The following SV2B variants were observed in gnomAD, a reference collection of about 807,000 sequenced individuals.
SV2B encodes solute carrier family 22 member B2.
Under a neutral mutation model 73.9 loss-of-function variants are expected in SV2B, and 41 were observed. That is an observed-to-expected ratio of 0.56 (90% CI 0.43 to 0.72). SV2B has a LOEUF of 0.72. Among genes scored for constraint, SV2B ranks in the 30% least tolerant of loss-of-function variants. The probability of loss-of-function intolerance (pLI) is 0.00; values close to 1 mark genes in which losing one functional copy is unlikely to be tolerated. For synonymous variants in SV2B, 314 were observed against 314.2 expected (o/e 1.00, Z 0.01); for missense variants, 764 against 857.8 (o/e 0.89, Z 1.37).
intron 1 of SV2B, among the ~76,000 whole-genome samples, chr15:91,216,478 TTTTTTG>T (rs1352684016): frequency 5.6e-5 from 8 of 142,096 alleles, no homozygotes; most frequent in African/African-American, 2.1e-4. Flanking sequence ...TTTTTTTTGT[TTTTTTG>T]TTTTTTGAGA....
At chr15:91,125,781 C>CAAAAA (rs200016125) in intron 1 of SV2B, among the ~76,000 whole-genome samples, 11 of 57,110 alleles carry the variant, frequency 1.9e-4, no homozygotes, top group African/African-American at 3.8e-4. Flanking sequence ...TCTCAAGGGG[C>CAAAAA]AAAAAAAAAA....
chr15:91,141,776 G>T lies in SV2B; in HGVS notation c.-392+41413G>T, dbSNP rs2043003491. On this transcript the variant is annotated intron_variant, in intron 1 of 12. Coordinates refer to ENST00000394232, the MANE Select transcript of SV2B (RefSeq NM_001323032.3). This position sits in a 1 kb window ranked among gnomAD's most constrained non-coding sequence, Gnocchi z 4.6. ...TTTTTTGGACAGAGGTCACATTTTGGCAACATCTTTTTCTGCTAATGGATA... is the reference window on the plus strand; with the variant it reads ...TTTTTTGGACAGAGGTCACATTTTGTCAACATCTTTTTCTGCTAATGGATA... 6.6e-6 allele frequency among the ~76,000 whole-genome samples: 1 copy of T among 151,398 alleles called. No homozygotes were observed. The highest frequency in any genetic ancestry group is 1.5e-5 in the Non-Finnish European group (1 of 67,874).
At chr15:91,188,773 C>G (rs1222105666) in intron 1 of SV2B, among the ~76,000 whole-genome samples, 4 of 152,124 alleles carry the variant, frequency 2.6e-5, no homozygotes, top group African/African-American at 9.7e-5. Context: ...CTAGTAGCTT[C>G]TAATACTAAG....
Position 91,235,990 on chromosome 15 carries a change from C to T in SV2B, c.451+9276C>T, listed in dbSNP as rs527837335. On this transcript the variant is annotated intron_variant, in intron 2 of 12. Transcript: ENST00000394232. ...AATTAAATGCAATTACCCCTGCTAA[C>T]TGCCGTAACTACTTTGCTCAGGATC... Among the ~76,000 whole-genome samples the T allele has an allele frequency of 1.6e-3, 247 of 152,318 alleles. 1 individual carries two copies. The highest frequency in any genetic ancestry group is 3.0e-3 in the Non-Finnish European group (203 of 68,032).
intron 1 of SV2B, among the ~76,000 whole-genome samples, chr15:91,150,709 G>A (rs1489760614): frequency 6.6e-6 from 1 of 152,168 alleles, no homozygotes; most frequent in African/African-American, 2.4e-5. Flanking sequence ...CATATTTTCT[G>A]TCCTGGGAAT....
rs957410059 is a variant in SV2B at position 91,137,370 on chromosome 15, C to A, written c.-392+37007C>A. On this transcript the variant is annotated intron_variant, in intron 1 of 12. Transcript: ENST00000394232. The surrounding 1 kb of genome is among the most constrained non-coding windows in gnomAD (Gnocchi z 4.9). ...ATGGAAGATGAGGGTGGCTTCAAAG[C>A]GTTTACCACAAAGCTATTATTTATT... Among the ~76,000 whole-genome samples the A allele has an allele frequency of 2.6e-5, 4 of 151,892 alleles. No individual in the cohort carries two copies. Among genetic ancestry groups the A allele is most frequent in the East Asian group, 1.9e-4 (1 of 5,170 alleles).
At position 91,297,961 on chromosome 15, in the gene SV2B, C is replaced by G. The variant is rs1163384785; in HGVS notation, c.*5409C>G. 2.0e-5 allele frequency: 3 copies of G among 152,164 alleles called. No individual in the cohort carries two copies. The highest frequency in any genetic ancestry group is 7.2e-5 in the African/African-American group (3 of 41,422). The allele number at this position is 152,164 out of a possible 1,614,324, so 9.4% of individuals were successfully genotyped here. A position where few individuals can be genotyped will look rare whatever the true frequency, so the allele number is the denominator to read the frequency against. On this transcript the variant is annotated 3_prime_UTR_variant, in exon 13 of 13. Transcript: ENST00000394232. The surrounding 1 kb of genome is among the most constrained non-coding windows in gnomAD (Gnocchi z 5.1). Reference sequence around the variant, plus strand: ...GCCATTTCCACCTGGTGAAGATTTTCATAGACAAATATGCTTGTGGCATCC... The same window carrying G: ...GCCATTTCCACCTGGTGAAGATTTTGATAGACAAATATGCTTGTGGCATCC...
At chr15:91,260,241 T>A in intron 5 of SV2B, 79 bp from the exon 6 acceptor site, 1 of 1,263,162 alleles carries the variant, frequency 7.9e-7, no homozygotes, top group Non-Finnish European at 1.1e-6. Context: ...CCATTGAGTT[T>A]GTAGGATTTT....
intron 2 of SV2B, among the ~76,000 whole-genome samples, chr15:91,246,728 TCCTCC>T (rs2047244085): frequency 1.3e-5 from 2 of 151,716 alleles, no homozygotes; most frequent in African/African-American, 2.4e-5. Context: ...CTCCTCCTCC[TCCTCC>T]TCCTCCTCCT....
chr15:91,254,236 T>TCTTC (rs58031302), intron 4 of SV2B, among the ~76,000 whole-genome samples: 1 of 116,374 alleles, frequency 8.6e-6, no homozygotes. Context: ...TTTCACTTCT[T>TCTTC]TTTTTTTTTT....
intron 1 of SV2B, among the ~76,000 whole-genome samples, chr15:91,213,054 G>A (rs1452636950): frequency 1.1e-4 from 17 of 152,080 alleles, no homozygotes; most frequent in African/African-American, 4.1e-4. Context: ...TTGGGAGGCT[G>A]AGGCAAGAGA....
intron 2 of SV2B, 147 bp downstream of exon 2, chr15:91,226,861 T>C: frequency 1.0e-6 from 1 of 1,000,632 alleles, no homozygotes; most frequent in Non-Finnish European, 1.4e-6. Context: ...AATCAATTGA[T>C]TGACTTAAGT....
At chr15:91,193,219 G>A (rs2045110324) in intron 1 of SV2B, among the ~76,000 whole-genome samples, 1 of 152,176 alleles carries the variant, frequency 6.6e-6, no homozygotes, top group Non-Finnish European at 1.5e-5. Flanking sequence ...AAGTGCCGCA[G>A]GAGGAGAAGG....
In SV2B at chr15:91,252,742, CCCTT is replaced by C; in HGVS notation, c.784+228_784+231del. On this transcript the variant is annotated intron_variant, in intron 4 of 12. Coordinates refer to ENST00000394232, the MANE Select transcript of SV2B (RefSeq NM_001323032.3). The surrounding 1 kb of genome is among the most constrained non-coding windows in gnomAD (Gnocchi z 4.6). ...GTCCTCCCTCTTTTCCTCCTTCCTT[CCCTT>C]CCTTCATTCTTCCCTTTCTCCTTCC... 6.6e-6 allele frequency among the ~76,000 whole-genome samples: 1 copy of C among 152,148 alleles called. No homozygotes were observed. The highest frequency in any genetic ancestry group is 1.5e-5 in the Non-Finnish European group (1 of 67,992).
chr15:91,269,027 C>T (rs2048206767), intron 9 of SV2B, among the ~76,000 whole-genome samples: 1 of 151,984 alleles, frequency 6.6e-6, no homozygotes. Flanking sequence ...CAAATAAAGC[C>T]CTGTTGTTAT....
At chr15:91,101,119 T>C (rs2041710943) in intron 1 of SV2B, among the ~76,000 whole-genome samples, 1 of 152,176 alleles carries the variant, frequency 6.6e-6, no homozygotes, top group Non-Finnish European at 1.5e-5. Context: ...GTTGGTGTCT[T>C]GGGCTCTGAT....
intron 1 of SV2B, among the ~76,000 whole-genome samples, chr15:91,113,257 C>T (rs966741634): frequency 5.3e-5 from 8 of 152,320 alleles, no homozygotes; most frequent in South Asian, 2.1e-4. Context: ...GGCGTGGCCA[C>T]GTAACAGTTT....
intron 4 of SV2B, among the ~76,000 whole-genome samples, chr15:91,257,626 GGT>G (rs1222177437): frequency 6.6e-6 from 1 of 152,116 alleles, no homozygotes; most frequent in Non-Finnish European, 1.5e-5. Flanking sequence ...TTCAAAATGT[GGT>G]CCTGAACCCT....
At chr15:91,152,584 A>G (rs1312352747) in intron 1 of SV2B, among the ~76,000 whole-genome samples, 2 of 152,220 alleles carry the variant, frequency 1.3e-5, no homozygotes, top group Non-Finnish European at 2.9e-5. Flanking sequence ...TATTGCTTTC[A>G]TATATTCAAA....
Sources: allele counts gnomAD v4.1 joint callset (sites outside exome capture counted in the v4.1 genomes callset), GRCh38; gene constraint gnomAD v4.1.1; non-coding constraint Gnocchi (gnomAD v3.1); transcripts MANE v1.5; gene names NCBI Gene and HGNC (gene_info 2026-07-23, HGNC 2026-07-21).